Variants in ZNF587 observed in about 807,000 individuals in gnomAD.
ZNF587 encodes zinc finger protein zfp6.
Under a neutral mutation model 7.5 loss-of-function variants are expected in ZNF587, and 8 were observed. That is an observed-to-expected ratio of 1.06 (90% CI 0.62 to 1.92). The LOEUF (loss-of-function observed/expected upper bound fraction) is 1.92, where lower values mean the gene tolerates loss of function less well. Among genes scored for constraint, ZNF587 ranks in the 40% most tolerant of loss-of-function variants. The pLI is 0.00. For synonymous variants in ZNF587, 145 were observed against 237.8 expected, an observed-to-expected ratio of 0.61 and a Z score of 3.59; for missense variants, 468 against 692.8, an observed-to-expected ratio of 0.68 and a Z score of 3.64.
At position 57,864,057 on chromosome 19, in the gene ZNF587, A is replaced by T. The variant is rs982536151; in HGVS notation, c.*3917A>T. The stretch of plus-strand genomic sequence containing the variant: ...ACATCATCTCAAAAAAAAAAAAAAA[A>T]CTCAATCCATAAATGTTATACTTTA... On this transcript the variant is annotated 3_prime_UTR_variant, in exon 3 of 3. Transcript: ENST00000339656. 6.7e-6 allele frequency: 1 copy of T among 149,544 alleles called. No individual in the cohort carries two copies. Among genetic ancestry groups the T allele is most frequent in the Non-Finnish European group, 1.5e-5 (1 of 67,456 alleles). The allele number at this position is 149,544 out of a possible 1,614,324, so 9.3% of individuals were successfully genotyped here.
In ZNF587 at chr19:57,859,347, T is replaced by A. The variant is rs1467264260; in HGVS notation, c.935T>A (p.Ile312Asn). ...TCTTTTAGTCAGAAGGGCAGCCTTATTAGCCATCAGCTTGTTCACACTGGA... is the reference window on the plus strand; with the variant it reads ...TCTTTTAGTCAGAAGGGCAGCCTTAATAGCCATCAGCTTGTTCACACTGGA... ...GKSFSQKGSL[I>N]SHQLVHTGEG... Residue 312 changes from isoleucine to asparagine, a missense_variant, in exon 3 of 3, where the codon ATT becomes AAT. By Grantham distance (149) the Ile-to-Asn change is moderately radical. Around this residue, in one of 5 missense-constraint regions of ZNF587, gnomAD observed 310 missense variants for 325.6 expected, o/e 0.95. Transcript: ENST00000339656. The A allele has an allele frequency of 2.5e-6, 4 of 1,609,824 alleles. No homozygotes were observed. The highest frequency in any genetic ancestry group is 2.5e-6 in the Non-Finnish European group (3 of 1,179,286).
chr19:57,855,489 G>A (rs1423148006), intron 1 of ZNF587, among the ~76,000 whole-genome samples: 3 of 151,956 alleles, frequency 2.0e-5, no homozygotes, highest in Middle Eastern at 3.2e-3. Flanking sequence ...GAGGTTGTCT[G>A]ATGGACTCAG....
At chr19:57,852,384 A>G (rs2122307047) in intron 1 of ZNF587, 1 of 398,696 alleles carries the variant, frequency 2.5e-6, no homozygotes, top group African/African-American at 2.1e-5. Flanking sequence ...ACCTTGTTGC[A>G]TAGACTGTGG....
rs189922264 is a variant in ZNF587, at chr19:57,859,315, C to T, written c.903C>T (p.Cys301=). 2.5e-4 allele frequency: 400 copies of T among 1,588,094 alleles called. 29 individuals carry two copies. The East Asian group carries it at 6.7e-3, about 26-fold the overall frequency. Residue 301 remains cysteine (C), a synonymous_variant, in exon 3 of 3, where the codon TGC becomes TGT. Transcript: ENST00000339656. ...AGACAGCTTATCCCTGTGAGGAGTG[C>T]GGGAAATCTTTTAGTCAGAAGGGCA... is the stretch of plus-strand genomic sequence containing the variant. The part of the protein sequence containing the change: ...TGQTAYPCEE[C]GKSFSQKGSL...
At position 57,856,058 on chromosome 19, in the gene ZNF587, A is replaced by G. The variant is rs1221345039; in HGVS notation, c.34-46A>G. 6 of 1,609,594 alleles carry G rather than the reference A, an allele frequency of 3.7e-6. No homozygotes were observed. The Admixed American group carries it at 5.1e-5, about 14-fold the overall frequency. ...GTGTGTGGGAGAGGTGGGTTGTGGTACCTCAGCAGAGGGGCTGCTTGTGGT... is the reference window on the plus strand; with the variant it reads ...GTGTGTGGGAGAGGTGGGTTGTGGTGCCTCAGCAGAGGGGCTGCTTGTGGT... On this transcript the variant is annotated intron_variant, in intron 1 of 2. Coordinates refer to ENST00000339656, the MANE Select transcript of ZNF587 (RefSeq NM_032828.4).
chr19:57,864,143 T>A lies in ZNF587; in HGVS notation c.*4003T>A. The A allele has an allele frequency of 7.1e-6, 1 of 141,290 alleles. No individual in the cohort carries two copies. Among genetic ancestry groups the A allele is most frequent in the Non-Finnish European group, 1.5e-5 (1 of 64,748 alleles). 8.8% of individuals were successfully genotyped at this position (141,290 alleles called of 1,614,324 possible). A position where few individuals can be genotyped will look rare whatever the true frequency, so the allele number is the denominator to read the frequency against. ...TTATCCCTAAATTTTTTTTTTTTTT[T>A]TTTTTTTTGAGACAGAGTCTCACTC... On this transcript the variant is annotated 3_prime_UTR_variant, in exon 3 of 3. Transcript: ENST00000339656.
At chr19:57,856,694 CA>C (rs200431260) in intron 2 of ZNF587, among the ~76,000 whole-genome samples, 4,614 of 152,090 alleles carry the variant, frequency 0.03, 262 homozygotes, top group African/African-American at 0.1. Context: ...AGGCGTGAGC[CA>C]CCACGCCCAG....
chr19:57,858,268 A>C, intron 2 of ZNF587: 1 of 371,208 alleles, frequency 2.7e-6, no homozygotes, highest in Non-Finnish European at 4.9e-6. Flanking sequence ...CTGGGATTAC[A>C]GGTGTCCACA....
chr19:57,858,025 T>A (rs1184879218), intron 2 of ZNF587: 1 of 155,874 alleles, frequency 6.4e-6, no homozygotes, highest in African/African-American at 2.4e-5. Context: ...AGACCCTGCC[T>A]CTACTCCCTG....
Position 57,863,647 on chromosome 19 carries a change from T to C in ZNF587, c.*3507T>C, listed in dbSNP as rs911407176. The C allele has an allele frequency of 6.6e-6, 1 of 152,224 alleles. No homozygotes were observed. Among genetic ancestry groups the C allele is most frequent in the African/African-American group, 2.4e-5 (1 of 41,468 alleles). The allele number at this position is 152,224 out of a possible 1,614,324, so 9.4% of individuals were successfully genotyped here. On this transcript the variant is annotated 3_prime_UTR_variant, in exon 3 of 3. Transcript: ENST00000339656. The stretch of plus-strand genomic sequence containing the variant: ...TCTGTTATTTTCCTAACATGCTTGG[T>C]GGATACAAGAGTTAAGACTTCCTGT...
Position 57,861,518 on chromosome 19 carries a change from A to G in ZNF587, c.*1378A>G, listed in dbSNP as rs1311659258. ...GATAACTTTTGTATTTTCTGTAGAG[A>G]GGGTTTTACCTTTTTGCCCAGTCTG... On this transcript the variant is annotated 3_prime_UTR_variant, in exon 3 of 3. Transcript: ENST00000339656. 2.6e-5 allele frequency: 4 copies of G among 151,974 alleles called. No homozygotes were observed. Among genetic ancestry groups the G allele is most frequent in the African/African-American group, 9.7e-5 (4 of 41,372 alleles). 9.4% of individuals were successfully genotyped at this position (151,974 alleles called of 1,614,324 possible).
intron 1 of ZNF587, among the ~76,000 whole-genome samples, chr19:57,852,836 T>C (rs1285763411): frequency 1.6e-5 from 2 of 126,310 alleles, no homozygotes; most frequent in African/African-American, 6.2e-5. Context: ...CCGAGACAGC[T>C]AGGCTTTTTT....
chr19:57,853,161 G>C (rs757530291), intron 1 of ZNF587, among the ~76,000 whole-genome samples: 15 of 152,210 alleles, frequency 9.9e-5, no homozygotes, highest in Non-Finnish European at 1.9e-4. Flanking sequence ...CAGACAGCTA[G>C]ATTTTCTAAT....
chr19:57,857,362 G>A (rs1466637777), intron 2 of ZNF587: 1 of 152,144 alleles, frequency 6.6e-6, no homozygotes, highest in African/African-American at 2.4e-5. Flanking sequence ...ACATGTGTTA[G>A]TTCTGTACCT....
In ZNF587 at chr19:57,849,887, T is replaced by G. The variant is rs1600115666; in HGVS notation, c.-152T>G. The G allele has an allele frequency of 2.0e-6, 3 of 1,516,518 alleles. No homozygotes were observed. Among genetic ancestry groups the G allele is most frequent in the Non-Finnish European group, 1.8e-6 (2 of 1,131,740 alleles). The allele number at this position is 1,516,518 out of a possible 1,614,324, so 93.9% of individuals were successfully genotyped here. The stretch of plus-strand genomic sequence containing the variant: ...AGCGGCTGTGTATCGGCGATGCGGG[T>G]GTTTCCCCAGTTTGTGGCCCCTGAG... On this transcript the variant is annotated 5_prime_UTR_variant, in exon 1 of 3. Transcript: ENST00000339656.
chr19:57,851,725 G>A (rs2122303376), intron 1 of ZNF587: 1 of 152,366 alleles, frequency 6.6e-6, no homozygotes, highest in South Asian at 2.1e-4. Flanking sequence ...AGAAGCCATG[G>A]AGAGTTTTGA....
At position 57,862,449 on chromosome 19, in the gene ZNF587, A is replaced by G. The variant is rs2071445192; in HGVS notation, c.*2309A>G. The G allele has an allele frequency of 6.6e-6, 1 of 152,486 alleles. No individual in the cohort carries two copies. Among genetic ancestry groups the G allele is most frequent in the Non-Finnish European group, 1.5e-5 (1 of 68,076 alleles). 9.4% of individuals were successfully genotyped at this position (152,486 alleles called of 1,614,324 possible). ...CTACTTACTTCATTCTCCATGGGTA[A>G]CGTCATTCATCCACATTAACTAATT... is the stretch of plus-strand genomic sequence containing the variant. On this transcript the variant is annotated 3_prime_UTR_variant, in exon 3 of 3. Transcript: ENST00000339656.
rs60339188 is a variant in ZNF587, at chr19:57,862,720, A to C, written c.*2580A>C. ...CCAGGGAAATGTCCCAATCAGAAGA[A>C]GATTATCTGGGACACTGATACTGAC... On this transcript the variant is annotated 3_prime_UTR_variant, in exon 3 of 3. Transcript: ENST00000339656. The C allele has an allele frequency of 7.7e-5, 12 of 154,874 alleles. No individual in the cohort carries two copies. The highest frequency in any genetic ancestry group is 1.5e-4 in the Non-Finnish European group (10 of 68,232). 9.6% of individuals were successfully genotyped at this position (154,874 alleles called of 1,614,324 possible).
rs185373924 is a variant in ZNF587 at position 57,857,420 on chromosome 19, T to C, written c.164-1156T>C. 1.4e-4 allele frequency: 21 copies of C among 152,312 alleles called. No homozygotes were observed. In the East Asian group the frequency reaches 3.7e-3, roughly 27 times the overall value. 9.4% of individuals were successfully genotyped at this position (152,312 alleles called of 1,614,324 possible). ...ACCCCAGCACTAATACTCACATTTCTGGACTCCACATCTCACCCATTTTTC... is the reference window on the plus strand; with the variant it reads ...ACCCCAGCACTAATACTCACATTTCCGGACTCCACATCTCACCCATTTTTC... On this transcript the variant is annotated intron_variant, in intron 2 of 2. Coordinates refer to ENST00000339656, the MANE Select transcript of ZNF587 (RefSeq NM_032828.4).
Sources: allele counts gnomAD v4.1 joint callset (sites outside exome capture counted in the v4.1 genomes callset), GRCh38; gene constraint gnomAD v4.1.1; regional missense constraint gnomAD v4.1.1; transcripts MANE v1.5; gene names NCBI Gene and HGNC (gene_info 2026-07-23, HGNC 2026-07-21).